KDM4C: variants seen among roughly 807,000 people sequenced by gnomAD.
The protein encoded by KDM4C is lysine-specific demethylase 4C.
Under a neutral mutation model 129.3 loss-of-function variants are expected in KDM4C, and 81 were observed. That is an observed-to-expected ratio of 0.63 (90% confidence interval 0.52 to 0.75). KDM4C has a LOEUF of 0.75. KDM4C is among the 30% of genes least tolerant of loss of function. The probability of loss-of-function intolerance (pLI) is 0.00; values close to 1 mark genes in which losing one functional copy is unlikely to be tolerated. For missense variants in KDM4C, 1,457 were observed against 1,304.0 expected, an observed-to-expected ratio of 1.12 and a Z score of -1.81; for synonymous variants, 573 against 456.1, an observed-to-expected ratio of 1.26 and a Z score of -3.26.
chr9:6,785,335 C>G (rs1201895054), intron 1 of KDM4C, among the ~76,000 whole-genome samples: 3 of 143,328 alleles, frequency 2.1e-5, no homozygotes, highest in Admixed American at 6.9e-5. Context: ...CTCTTCTCCT[C>G]TTCCTCTTTT....
intron 17 of KDM4C, among the ~76,000 whole-genome samples, chr9:7,063,261 A>G (rs1166810899): frequency 6.6e-6 from 1 of 152,228 alleles, no homozygotes; most frequent in Non-Finnish European, 1.5e-5. Flanking sequence ...AATTAAATTA[A>G]CTGAAAATAT....
chr9:7,082,437 A>T (rs986979901), intron 17 of KDM4C, among the ~76,000 whole-genome samples: 9 of 152,340 alleles, frequency 5.9e-5, no homozygotes, highest in Middle Eastern at 3.4e-3. Context: ...GAATGATGCC[A>T]CAAACCATCA....
chr9:7,120,104 G>T (rs1839333817), intron 18 of KDM4C, among the ~76,000 whole-genome samples: 1 of 151,956 alleles, frequency 6.6e-6, no homozygotes, highest in African/African-American at 2.4e-5. Context: ...GGTTGTTCTT[G>T]GCATTTTGGC....
intron 18 of KDM4C, among the ~76,000 whole-genome samples, chr9:7,108,432 G>A (rs971751536): frequency 6.6e-6 from 1 of 151,996 alleles, no homozygotes; most frequent in Non-Finnish European, 1.5e-5. Context: ...AGACTGGGTT[G>A]TACCATGTTG....
At chr9:7,108,016 G>A (rs1413905651) in intron 18 of KDM4C, among the ~76,000 whole-genome samples, 1 of 152,192 alleles carries the variant, frequency 6.6e-6, no homozygotes, top group Non-Finnish European at 1.5e-5. Context: ...TATGTCAAGT[G>A]TGTGTTAGGT....
chr9:7,153,180 C>T lies in KDM4C; in HGVS notation c.2782-12058C>T, dbSNP rs561618805. Among the ~76,000 whole-genome samples, 6 of 152,266 alleles carry T rather than the reference C, an allele frequency of 3.9e-5. No individual in the cohort carries two copies. The East Asian group carries it at 1.2e-3, about 29-fold the overall frequency. ...CTTGAACTCCTGAGCTCAAGTGATCCTTCCACCTTGGCCGCCCAAAGTGCT... is the reference window on the plus strand; with the variant it reads ...CTTGAACTCCTGAGCTCAAGTGATCTTTCCACCTTGGCCGCCCAAAGTGCT... On this transcript the variant is annotated intron_variant, in intron 19 of 21. Transcript: ENST00000381309.
chr9:7,153,440 G>A (rs949328531), intron 19 of KDM4C, among the ~76,000 whole-genome samples: 2 of 152,166 alleles, frequency 1.3e-5, no homozygotes, highest in Non-Finnish European at 2.9e-5. Flanking sequence ...TCCTCAGAGA[G>A]CGCACATCCT....
Position 6,833,960 on chromosome 9 carries a change from C to G in KDM4C, c.436-15547C>G, listed in dbSNP as rs117216096. Among the ~76,000 whole-genome samples the G allele has an allele frequency of 2.1e-3, 320 of 151,590 alleles. 1 individual carries two copies. Among genetic ancestry groups the G allele is most frequent in the Non-Finnish European group, 3.9e-3 (264 of 67,918 alleles). On this transcript the variant is annotated intron_variant, in intron 4 of 21. Coordinates refer to ENST00000381309, the MANE Select transcript of KDM4C (RefSeq NM_015061.6). ...GCCTCTGTCGTTTTTGAGAAATATA[C>G]CACTATCTTCTTGTCAGTAAGATCC...
rs78739089 is a variant in KDM4C, at chr9:7,117,961, C to T, written c.2611-10105C>T. On this transcript the variant is annotated intron_variant, in intron 18 of 21. Coordinates refer to ENST00000381309, the MANE Select transcript of KDM4C (RefSeq NM_015061.6). ...ATTAAATTGCTTACTCTTTAGAATA[C>T]GTAGCAAGCAGGTGGTATGTTCCTG... Among the ~76,000 whole-genome samples, 1,188 of 152,244 alleles carry T rather than the reference C, an allele frequency of 7.8e-3. 16 individuals carry two copies. The highest frequency in any genetic ancestry group is 0.026 in the African/African-American group (1,097 of 41,536).
intron 5 of KDM4C, among the ~76,000 whole-genome samples, chr9:6,867,579 A>C (rs1484639601): frequency 6.6e-6 from 1 of 152,220 alleles, no homozygotes; most frequent in Non-Finnish European, 1.5e-5. Flanking sequence ...GTGTTCTTAC[A>C]TTTTAGAATC....
chr9:7,001,200 T>A (rs1169191618), intron 12 of KDM4C, among the ~76,000 whole-genome samples: 1 of 152,250 alleles, frequency 6.6e-6, no homozygotes, highest in African/African-American at 2.4e-5. Context: ...AACCTATAAA[T>A]TCTGGATTGA....
intron 4 of KDM4C, among the ~76,000 whole-genome samples, chr9:6,825,146 CAA>C (rs776343731): frequency 0.013 from 1,058 of 79,930 alleles, 7 homozygotes; most frequent in South Asian, 0.019. Flanking sequence ...AACTCGGTCT[CAA>C]AAAAAAAAAA....
At chr9:7,042,550 A>G (rs745856746) in intron 15 of KDM4C, among the ~76,000 whole-genome samples, 1 of 151,898 alleles carries the variant, frequency 6.6e-6, no homozygotes, top group Admixed American at 6.6e-5. Context: ...TTTTGCAGGG[A>G]TTGTGTTTTG....
chr9:7,049,436 T>A lies in KDM4C; in HGVS notation c.2424+236T>A, dbSNP rs559445828. On this transcript the variant is annotated intron_variant, in intron 17 of 21. Coordinates refer to ENST00000381309, the MANE Select transcript of KDM4C (RefSeq NM_015061.6). ...TCTGAAATGAGGAAAAAGATAGTAA[T>A]ACATTTCCTGAATTAATGTGAACTT... is the stretch of plus-strand genomic sequence containing the variant. 1.4e-4 allele frequency among the ~76,000 whole-genome samples: 22 copies of A among 152,270 alleles called. No individual in the cohort carries two copies. The East Asian group carries it at 4.1e-3, about 28-fold the overall frequency.
intron 1 of KDM4C, among the ~76,000 whole-genome samples, chr9:6,787,728 C>G (rs1484640098): frequency 1.3e-5 from 2 of 152,216 alleles, no homozygotes; most frequent in Non-Finnish European, 2.9e-5. Context: ...TGCTTCCAGC[C>G]TTGTCCTTTT....
chr9:6,983,945 C>T (rs1465734035), intron 9 of KDM4C, among the ~76,000 whole-genome samples: 1 of 151,700 alleles, frequency 6.6e-6, no homozygotes, highest in Non-Finnish European at 1.5e-5. Context: ...TAATTATTTA[C>T]AGTTGTGTGA....
intron 8 of KDM4C, chr9:6,942,708 C>G (rs1056757183): frequency 6.6e-6 from 1 of 152,036 alleles, no homozygotes; most frequent in Non-Finnish European, 1.5e-5. Context: ...TGTGTACTTC[C>G]TTAAATTAAG....
intron 18 of KDM4C, among the ~76,000 whole-genome samples, chr9:7,114,183 C>G (rs1838644124): frequency 6.6e-6 from 1 of 152,024 alleles, no homozygotes; most frequent in African/African-American, 2.4e-5. Flanking sequence ...ATCCTTTAGG[C>G]CTGGTTCATG....
intron 8 of KDM4C, among the ~76,000 whole-genome samples, chr9:6,958,440 A>T (rs1361600038): frequency 6.6e-6 from 1 of 152,040 alleles, no homozygotes; most frequent in Non-Finnish European, 1.5e-5. Context: ...CAAAAAAATT[A>T]GCTGGGCATG....
Sources: allele counts gnomAD v4.1 joint callset (sites outside exome capture counted in the v4.1 genomes callset), GRCh38; gene constraint gnomAD v4.1.1; transcripts MANE v1.5; gene names NCBI Gene and HGNC (gene_info 2026-07-23, HGNC 2026-07-21).